The following RBFOX1 variants were observed in gnomAD, a reference collection of about 807,000 sequenced individuals.
The protein encoded by RBFOX1 is RNA binding protein fox-1 homolog 1.
Under a neutral mutation model 57.7 loss-of-function variants are expected in RBFOX1, and 8 were observed. That is an observed-to-expected ratio of 0.14 (90% CI 0.08 to 0.25). The LOEUF (loss-of-function observed/expected upper bound fraction) is 0.25, where lower values mean the gene tolerates loss of function less well. Ranked by LOEUF, RBFOX1 falls within the 10% of genes least tolerant of loss-of-function variation. The pLI is 1.00. For missense variants in RBFOX1, 611 were observed against 548.5 expected, an observed-to-expected ratio of 1.11 and a Z score of -1.14; for synonymous variants, 326 against 222.4, an observed-to-expected ratio of 1.47 and a Z score of -4.15.
At chr16:6,785,913 A>C (rs1320077841) in intron 3 of RBFOX1, among the ~76,000 whole-genome samples, 2 of 152,206 alleles carry the variant, frequency 1.3e-5, no homozygotes, top group Non-Finnish European at 2.9e-5. Flanking sequence ...AAAAAATGGC[A>C]CTGTGACTGA....
At chr16:6,126,303 G>C (rs565188569) in intron 1 of RBFOX1, among the ~76,000 whole-genome samples, 2 of 152,210 alleles carry the variant, frequency 1.3e-5, no homozygotes, top group Non-Finnish European at 2.9e-5. Flanking sequence ...GTTGGTGTTA[G>C]CCCTCTCTTA....
intron 2 of RBFOX1, among the ~76,000 whole-genome samples, chr16:6,397,042 A>G (rs554126791): frequency 6.6e-6 from 1 of 152,200 alleles, no homozygotes; most frequent in Non-Finnish European, 1.5e-5. Flanking sequence ...GATTATTAAC[A>G]GAAGACTAGT....
intron 2 of RBFOX1, among the ~76,000 whole-genome samples, chr16:5,501,191 G>A (rs1319076449): frequency 6.6e-6 from 1 of 151,728 alleles, no homozygotes; most frequent in African/African-American, 2.4e-5. Context: ...GGTGGTGGGT[G>A]CCTGTAATCC....
intron 4 of RBFOX1, among the ~76,000 whole-genome samples, chr16:7,145,135 T>C (rs1272637654): frequency 1.3e-5 from 2 of 152,208 alleles, no homozygotes; most frequent in African/African-American, 2.4e-5. Context: ...CAGGATGGTT[T>C]TGCTGCAAGC....
intron 2 of RBFOX1, among the ~76,000 whole-genome samples, chr16:6,324,906 C>T (rs1439911397): frequency 6.6e-6 from 1 of 152,170 alleles, no homozygotes; most frequent in Non-Finnish European, 1.5e-5. Flanking sequence ...CACCTGTGTA[C>T]AGAAATTAGC....
intron 2 of RBFOX1, among the ~76,000 whole-genome samples, chr16:5,580,493 C>T (rs1463322073): frequency 5.3e-5 from 8 of 152,232 alleles, no homozygotes; most frequent in African/African-American, 1.2e-4. Flanking sequence ...ATGCCACCTG[C>T]TGCCAGGCGG....
At chr16:5,464,353 G>A (rs755435880) in intron 1 of RBFOX1, among the ~76,000 whole-genome samples, 39 of 152,312 alleles carry the variant, frequency 2.6e-4, no homozygotes, top group Non-Finnish European at 4.6e-4. Flanking sequence ...CAGACCCTAC[G>A]GGTTGTTTGC....
intron 10 of RBFOX1, among the ~76,000 whole-genome samples, chr16:7,626,798 A>T (rs1291070854): frequency 6.6e-6 from 1 of 152,234 alleles, no homozygotes; most frequent in Non-Finnish European, 1.5e-5. Flanking sequence ...TTTAGCAAAG[A>T]GGGTAGAAGT....
intron 3 of RBFOX1, among the ~76,000 whole-genome samples, chr16:6,867,245 T>C (rs537178391): frequency 6.6e-6 from 1 of 152,290 alleles, no homozygotes; most frequent in African/African-American, 2.4e-5. Context: ...ATACTTTTTT[T>C]CTTCCTTTTT....
intron 3 of RBFOX1, among the ~76,000 whole-genome samples, chr16:5,806,373 G>A (rs569124973): frequency 9.8e-5 from 15 of 152,314 alleles, no homozygotes; most frequent in African/African-American, 3.6e-4. Context: ...GCCAAAAAGG[G>A]TAACAGGGAC....
At chr16:7,456,179 G>T (rs2058475217) in intron 4 of RBFOX1, among the ~76,000 whole-genome samples, 1 of 152,192 alleles carries the variant, frequency 6.6e-6, no homozygotes, top group Non-Finnish European at 1.5e-5. Flanking sequence ...GCAGGGCTCT[G>T]TGGAGGGTTG....
chr16:6,798,514 C>T (rs1196038840), intron 3 of RBFOX1, among the ~76,000 whole-genome samples: 1 of 152,094 alleles, frequency 6.6e-6, no homozygotes, highest in Non-Finnish European at 1.5e-5. Flanking sequence ...ACCCCTGATG[C>T]TTAAATAGGA....
intron 3 of RBFOX1, among the ~76,000 whole-genome samples, chr16:6,665,658 A>C (rs2098727863): frequency 6.6e-6 from 1 of 151,176 alleles, no homozygotes; most frequent in African/African-American, 2.4e-5. Context: ...AGGGAGTGTC[A>C]CCTAATGAAA....
At chr16:6,718,010 C>T (rs953736492) in intron 3 of RBFOX1, among the ~76,000 whole-genome samples, 18 of 152,106 alleles carry the variant, frequency 1.2e-4, no homozygotes, top group Admixed American at 2.6e-4. Context: ...CCACCACCAC[C>T]GTCATCACCA....
At position 6,582,998 on chromosome 16, in the gene RBFOX1, TCTCTC is replaced by T. The variant is rs371313701; in HGVS notation, c.-63-71594_-63-71590del. Among the ~76,000 whole-genome samples, 150 of 150,080 alleles carry T rather than the reference TCTCTC, an allele frequency of 1.0e-3. 1 individual carries two copies. The highest frequency in any genetic ancestry group is 3.4e-3 in the African/African-American group (139 of 41,178). On this transcript the variant is annotated intron_variant, in intron 2 of 15. Transcript: ENST00000550418. The stretch of plus-strand genomic sequence containing the variant: ...TCTGGACCTCCCTCTTCCTCACTCT[TCTCTC>T]CTCTCCTCTCTTGTCTCTTGCTCGA...
chr16:7,449,021 C>T (rs542859067), intron 4 of RBFOX1, among the ~76,000 whole-genome samples: 1 of 148,630 alleles, frequency 6.7e-6, no homozygotes, highest in Admixed American at 6.8e-5. Context: ...CCTCCACCTC[C>T]CGGGTTCAAA....
intron 3 of RBFOX1, among the ~76,000 whole-genome samples, chr16:6,941,696 G>T (rs1197085253): frequency 6.6e-6 from 1 of 152,146 alleles, no homozygotes; most frequent in African/African-American, 2.4e-5. Context: ...TGATGGTTAG[G>T]AAAGGTGGAT....
intron 1 of RBFOX1, among the ~76,000 whole-genome samples, chr16:5,339,699 G>T (rs548527030): frequency 6.6e-6 from 1 of 151,818 alleles, no homozygotes; most frequent in Non-Finnish European, 1.5e-5. Context: ...GGCTGGTCTC[G>T]AACTCCTGAA....
intron 1 of RBFOX1, among the ~76,000 whole-genome samples, chr16:6,231,081 T>G (rs971804367): frequency 2.0e-5 from 3 of 152,146 alleles, no homozygotes; most frequent in Admixed American, 2.0e-4. Flanking sequence ...GAAGGGTCTA[T>G]TTGGGTAAGT....
Sources: gnomAD v4.1 joint callset for allele counts (sites outside exome capture counted in the v4.1 genomes callset) on GRCh38, gnomAD v4.1.1 for gene constraint, MANE v1.5 for transcripts, NCBI Gene and HGNC (gene_info 2026-07-23, HGNC 2026-07-21) for gene names.